CNOT6L: variants seen among roughly 807,000 people sequenced by gnomAD.
CNOT6L encodes CCR4-NOT transcription complex subunit 6 like, also known as CCR4-NOT transcription complex subunit 6-like.
Under a neutral mutation model 64.0 loss-of-function variants are expected in CNOT6L, and 7 were observed. The observed-to-expected ratio is 0.11, with a 90% confidence interval of 0.06 to 0.21. The LOEUF (loss-of-function observed/expected upper bound fraction) is 0.21, where lower values mean the gene tolerates loss of function less well. CNOT6L is among the 10% of genes least tolerant of loss of function. CNOT6L has a pLI of 1.00. For missense variants in CNOT6L, 245 were observed against 669.0 expected, an observed-to-expected ratio of 0.37 and a Z score of 6.99; for synonymous variants, 193 against 243.4, an observed-to-expected ratio of 0.79 and a Z score of 1.93.
chr4:77,780,873 G>T (rs542670004), intron 1 of CNOT6L, among the ~76,000 whole-genome samples: 1 of 152,200 alleles, frequency 6.6e-6, no homozygotes, highest in East Asian at 1.9e-4. Context: ...TGAGGTGGAG[G>T]GATCGCTTGC....
chr4:77,789,410 T>G (rs1482167663), intron 1 of CNOT6L, among the ~76,000 whole-genome samples: 1 of 151,742 alleles, frequency 6.6e-6, no homozygotes, highest in African/African-American at 2.4e-5. Context: ...GAAAAAAAAG[T>G]CAGTCTTTTT....
chr4:77,746,374 T>C (rs1724199335), intron 6 of CNOT6L, among the ~76,000 whole-genome samples: 10 of 152,156 alleles, frequency 6.6e-5, no homozygotes. Context: ...TTCCATATAG[T>C]TTATCATGTT....
At chr4:77,755,962 G>A (rs1314813743) in intron 5 of CNOT6L, among the ~76,000 whole-genome samples, 1 of 151,220 alleles carries the variant, frequency 6.6e-6, no homozygotes, top group Non-Finnish European at 1.5e-5. Flanking sequence ...ATACCTAATA[G>A]TCTTCTTTTT....
chr4:77,813,510 A>G (rs1733201196), intron 1 of CNOT6L, among the ~76,000 whole-genome samples: 1 of 152,282 alleles, frequency 6.6e-6, no homozygotes, highest in East Asian at 1.9e-4. Flanking sequence ...AAATATTTGC[A>G]AATCATATAT....
At chr4:77,730,162 A>G (rs1323293666) in intron 9 of CNOT6L, among the ~76,000 whole-genome samples, 1 of 152,138 alleles carries the variant, frequency 6.6e-6, no homozygotes, top group Non-Finnish European at 1.5e-5. Flanking sequence ...AGTTTGTTAA[A>G]GTTTCTTTCC....
At chr4:77,782,523 T>C (rs201259926) in intron 1 of CNOT6L, among the ~76,000 whole-genome samples, 2 of 147,666 alleles carry the variant, frequency 1.4e-5, no homozygotes, top group Non-Finnish European at 3.0e-5. Flanking sequence ...TTTTTTTTAG[T>C]AGAGACAAGG....
At chr4:77,812,257 G>A (rs1464242100) in intron 1 of CNOT6L, among the ~76,000 whole-genome samples, 2 of 151,862 alleles carry the variant, frequency 1.3e-5, no homozygotes, top group African/African-American at 2.4e-5. Context: ...GGCCAACACA[G>A]TGAAACCCCA....
chr4:77,790,725 G>A (rs551949886), intron 1 of CNOT6L, among the ~76,000 whole-genome samples: 4 of 151,416 alleles, frequency 2.6e-5, no homozygotes, highest in Non-Finnish European at 4.4e-5. Context: ...ATTTTGAGAC[G>A]GATTCTTGCT....
chr4:77,819,319 T>G lies in CNOT6L; in HGVS notation c.-11A>C. 6.2e-7 allele frequency: 1 copy of G among 1,613,472 alleles called. No individual in the cohort carries two copies. The highest frequency in any genetic ancestry group is 8.5e-7 in the Non-Finnish European group (1 of 1,179,668). ...AACACTCTACCTCATTCTCTTCCTC[T>G]GGCCCAGAAGCAACAGCAGCCATTT... is the stretch of plus-strand genomic sequence containing the variant. On this transcript the variant is annotated 5_prime_UTR_variant, in exon 1 of 12. Coordinates refer to ENST00000504123, the MANE Select transcript of CNOT6L (RefSeq NM_144571.3).
chr4:77,737,132 A>C (rs959747597), intron 8 of CNOT6L, among the ~76,000 whole-genome samples: 1 of 152,200 alleles, frequency 6.6e-6, no homozygotes, highest in African/African-American at 2.4e-5. Context: ...CCCTGAATTC[A>C]TTTACAAGTA....
chr4:77,756,046 C>T (rs570880372), intron 5 of CNOT6L, among the ~76,000 whole-genome samples: 1 of 152,160 alleles, frequency 6.6e-6, no homozygotes, highest in Non-Finnish European at 1.5e-5. Context: ...TGCAGCGGCA[C>T]GATCTCAGCT....
intron 8 of CNOT6L, among the ~76,000 whole-genome samples, chr4:77,737,393 T>TA (rs1723073510): frequency 6.8e-6 from 1 of 147,034 alleles, no homozygotes; most frequent in African/African-American, 2.5e-5. Context: ...TAACATCCTA[T>TA]ATTTGTACCG....
At chr4:77,756,047 G>A (rs112752481) in intron 5 of CNOT6L, among the ~76,000 whole-genome samples, 9,707 of 152,092 alleles carry the variant, frequency 0.064, 466 homozygotes, top group African/African-American at 0.13. Context: ...GCAGCGGCAC[G>A]ATCTCAGCTG....
chr4:77,815,161 A>C (rs1245367233), intron 1 of CNOT6L, among the ~76,000 whole-genome samples: 2 of 152,238 alleles, frequency 1.3e-5, no homozygotes, highest in Non-Finnish European at 2.9e-5. Context: ...AAATTCAAAA[A>C]ATGTGTTTCC....
At position 77,714,437 on chromosome 4, in the gene CNOT6L, TTAAAAAAAAAAAAAAAAAAA is replaced by T. The variant is rs1720521884; in HGVS notation, c.*5974_*5993del. 2 of 53,758 alleles carry T rather than the reference TTAAAAAAAAAAAAAAAAAAA, an allele frequency of 3.7e-5. No homozygotes were observed. The highest frequency in any genetic ancestry group is 1.7e-3 in the South Asian group (2 of 1,168). 3.3% of individuals were successfully genotyped at this position (53,758 alleles called of 1,614,324 possible). On this transcript the variant is annotated 3_prime_UTR_variant, in exon 12 of 12. Coordinates refer to ENST00000504123, the MANE Select transcript of CNOT6L (RefSeq NM_144571.3). ...GAGAAAAAGTACATACACACTCTCTTTAAAAAAAAAAAAAAAAAAAAAAAAAAAAAAAAAAAAAGCCCTCC... is the reference window on the plus strand; with the variant it reads ...GAGAAAAAGTACATACACACTCTCTTAAAAAAAAAAAAAAAAAAGCCCTCC...
intron 1 of CNOT6L, among the ~76,000 whole-genome samples, chr4:77,786,882 T>C (rs1448848392): frequency 1.3e-5 from 2 of 152,338 alleles, no homozygotes; most frequent in Non-Finnish European, 2.9e-5. Context: ...TATGTAAAGA[T>C]AGAAAGCTTC....
intron 4 of CNOT6L, among the ~76,000 whole-genome samples, chr4:77,769,285 G>A (rs532437259): frequency 1.3e-5 from 2 of 152,082 alleles, no homozygotes; most frequent in Non-Finnish European, 2.9e-5. Flanking sequence ...AGACATAATC[G>A]TGAAAGAAAA....
At chr4:77,757,053 C>A in intron 4 of CNOT6L, 102 bp from the exon 5 acceptor site, 3 of 542,212 alleles carry the variant, frequency 5.5e-6, no homozygotes, top group South Asian at 3.3e-5. Flanking sequence ...AATTCAATTT[C>A]TTAAATTGAA....
chr4:77,754,080 G>T (rs962664983), intron 5 of CNOT6L, among the ~76,000 whole-genome samples: 3 of 152,038 alleles, frequency 2.0e-5, no homozygotes, highest in African/African-American at 7.2e-5. Flanking sequence ...GAGCAGGTTG[G>T]CAAGAAAATT....
Sources: allele counts gnomAD v4.1 joint callset (sites outside exome capture counted in the v4.1 genomes callset), GRCh38; gene constraint gnomAD v4.1.1; transcripts MANE v1.5; gene names NCBI Gene and HGNC (gene_info 2026-07-23, HGNC 2026-07-21).